OSTM1: variants seen among roughly 807,000 people sequenced by gnomAD.
OSTM1 encodes the protein osteoclastogenesis associated transmembrane protein 1, also known as osteopetrosis-associated transmembrane protein 1.
In OSTM1, 26 loss-of-function variants were observed where a neutral mutation model predicts 35.4. The observed-to-expected ratio is 0.73, with a 90% CI of 0.54 to 1.02. The LOEUF is 1.02. OSTM1 is among the 50% of genes least tolerant of loss of function. The pLI is 0.00. For synonymous variants in OSTM1, 181 were observed against 165.0 expected, an observed-to-expected ratio of 1.10 and a Z score of -0.75; for missense variants, 366 against 409.6, an observed-to-expected ratio of 0.89 and a Z score of 0.92.
At chr6:108,066,205 C>T (rs1481948426) in intron 1 of OSTM1, among the ~76,000 whole-genome samples, 2 of 152,096 alleles carry the variant, frequency 1.3e-5, no homozygotes, top group African/African-American at 2.4e-5. Flanking sequence ...TTGAGGAATA[C>T]ATCTTTAGGC....
At chr6:108,047,277 G>C (rs973183483) in intron 5 of OSTM1, among the ~76,000 whole-genome samples, 1 of 152,110 alleles carries the variant, frequency 6.6e-6, no homozygotes, top group East Asian at 1.9e-4. Flanking sequence ...AAGAGGGAAG[G>C]GCCTTGGAAA....
chr6:108,072,677 T>C (rs1485272323), intron 1 of OSTM1, among the ~76,000 whole-genome samples: 1 of 152,038 alleles, frequency 6.6e-6, no homozygotes, highest in Non-Finnish European at 1.5e-5. Flanking sequence ...ACATGCTCTT[T>C]ACAGAGAGAT....
intron 1 of OSTM1, among the ~76,000 whole-genome samples, chr6:108,072,885 G>A (rs1772510881): frequency 6.6e-6 from 1 of 152,126 alleles, no homozygotes; most frequent in Non-Finnish European, 1.5e-5. Context: ...AGCTTCCCGA[G>A]TAGCTGGAAC....
intron 1 of OSTM1, 97 bp downstream of exon 1, chr6:108,074,153 G>A (rs1772539711): frequency 8.2e-7 from 1 of 1,224,780 alleles, no homozygotes; most frequent in Non-Finnish European, 1.2e-6. Context: ...TTTTCTTACT[G>A]TTGGGGAAAC....
intron 1 of OSTM1, among the ~76,000 whole-genome samples, chr6:108,069,170 A>G (rs1772437551): frequency 6.6e-6 from 1 of 152,232 alleles, no homozygotes; most frequent in Non-Finnish European, 1.5e-5. Context: ...CATGAATTAA[A>G]TAATTATTTG....
chr6:108,067,021 C>A (rs989349885), intron 1 of OSTM1, among the ~76,000 whole-genome samples: 3 of 152,200 alleles, frequency 2.0e-5, no homozygotes, highest in African/African-American at 7.2e-5. Flanking sequence ...CATGCCTGCA[C>A]CCAGGAAGTC....
Position 108,074,452 on chromosome 6 carries a change from C to T in OSTM1, c.200G>A (p.Gly67Glu), listed in dbSNP as rs780873251. The part of the protein sequence containing the change: ...DLSLSLLQGG[G>E]LGPLSLPPDL... Reference sequence around the variant, plus strand: ...CGGGGGCAGCGACAGAGGCCCCAGCCCTCCACCCTGCAGGAGGGACAGGGA... The same window carrying T: ...CGGGGGCAGCGACAGAGGCCCCAGCTCTCCACCCTGCAGGAGGGACAGGGA... Residue 67 changes from glycine to glutamate, a missense_variant, in exon 1 of 6, where the codon GGG becomes GAG. This residue lies in a region of OSTM1 where 236 missense variants were observed against 239.3 expected (regional missense o/e 0.99). Coordinates refer to ENST00000193322, the MANE Select transcript of OSTM1 (RefSeq NM_014028.4). The T allele has an allele frequency of 4.5e-6, 7 of 1,557,694 alleles. No homozygotes were observed. The highest frequency in any genetic ancestry group is 5.2e-6 in the Non-Finnish European group (6 of 1,151,176).
chr6:108,067,145 T>G (rs1458885859), intron 1 of OSTM1, among the ~76,000 whole-genome samples: 3 of 150,280 alleles, frequency 2.0e-5, no homozygotes, highest in Non-Finnish European at 4.4e-5. Context: ...ACAACCGCTA[T>G]TTCAAATCCT....
Position 108,044,770 on chromosome 6 carries a change from T to TC in OSTM1, c.*14dup. On this transcript the variant is annotated 3_prime_UTR_variant, in exon 6 of 6. Coordinates refer to ENST00000193322, the MANE Select transcript of OSTM1 (RefSeq NM_014028.4). Reference sequence around the variant, plus strand: ...ATTCATTCACGTGATATGTCAATTCTCCATTTTGTAGGTCTCAGTTTGAAT... The same window carrying TC: ...ATTCATTCACGTGATATGTCAATTCTCCCATTTTGTAGGTCTCAGTTTGAAT... The TC allele has an allele frequency of 6.7e-7, 1 of 1,483,932 alleles. No homozygotes were observed. Among genetic ancestry groups the TC allele is most frequent in the East Asian group, 2.3e-5 (1 of 43,888 alleles). The allele number at this position is 1,483,932 out of a possible 1,614,324, so 91.9% of individuals were successfully genotyped here.
rs886060970 is a variant in OSTM1 at position 108,044,494 on chromosome 6, T to A, written c.*291A>T. On this transcript the variant is annotated 3_prime_UTR_variant, in exon 6 of 6. Transcript: ENST00000193322. ...AGATACCAGAAGTCTAGAATAGTAATCAAATGCCTATAAAATAAAATAATG... is the reference window on the plus strand; with the variant it reads ...AGATACCAGAAGTCTAGAATAGTAAACAAATGCCTATAAAATAAAATAATG... The A allele has an allele frequency of 8.8e-6, 2 of 226,000 alleles. No individual in the cohort carries two copies. Among genetic ancestry groups the A allele is most frequent in the African/African-American group, 4.5e-5 (2 of 43,962 alleles). 14.0% of individuals were successfully genotyped at this position (226,000 alleles called of 1,614,324 possible). A position where few individuals can be genotyped will look rare whatever the true frequency, so the allele number is the denominator to read the frequency against.
chr6:108,072,737 G>A (rs1016338935), intron 1 of OSTM1, among the ~76,000 whole-genome samples: 3 of 151,320 alleles, frequency 2.0e-5, no homozygotes, highest in Non-Finnish European at 4.4e-5. Context: ...TATGTAAAAT[G>A]ACAGATTTTT....
In OSTM1 at chr6:108,050,358, C is replaced by CTTTT. The variant is rs759901355; in HGVS notation, c.783+669_783+672dup. Among the ~76,000 whole-genome samples the CTTTT allele has an allele frequency of 7.6e-3, 801 of 104,786 alleles. 20 individuals carry two copies. The highest frequency in any genetic ancestry group is 0.013 in the African/African-American group (349 of 26,924). 68.7% of individuals were successfully genotyped at this position (104,786 alleles called of 152,430 possible). A position where few individuals can be genotyped will look rare whatever the true frequency, so the allele number is the denominator to read the frequency against. On this transcript the variant is annotated intron_variant, in intron 4 of 5. Coordinates refer to ENST00000193322, the MANE Select transcript of OSTM1 (RefSeq NM_014028.4). ...AACATGTAGTGAAATCCAGAAACGT[C>CTTTT]TTTTTTTTTTTTTTTTTTTTTTTGA...
intron 2 of OSTM1, among the ~76,000 whole-genome samples, chr6:108,063,917 A>G (rs570823188): frequency 7.2e-5 from 11 of 152,346 alleles, no homozygotes; most frequent in Non-Finnish European, 1.3e-4. Flanking sequence ...CATATCTGAC[A>G]GCTAGTAGGT....
chr6:108,050,958 AAAT>A (rs1772064693), intron 4 of OSTM1, 70 bp downstream of exon 4: 1 of 1,281,808 alleles, frequency 7.8e-7, no homozygotes, highest in Non-Finnish European at 1.1e-6. Flanking sequence ...CTATCACCAA[AAAT>A]AATAATCATA....
At chr6:108,067,020 AC>A (rs1370788249) in intron 1 of OSTM1, among the ~76,000 whole-genome samples, 3 of 152,218 alleles carry the variant, frequency 2.0e-5, no homozygotes, top group Admixed American at 1.3e-4. Flanking sequence ...TCATGCCTGC[AC>A]CCAGGAAGTC....
At chr6:108,058,792 G>A (rs1192201794) in intron 2 of OSTM1, among the ~76,000 whole-genome samples, 1 of 151,840 alleles carries the variant, frequency 6.6e-6, no homozygotes, top group East Asian at 1.9e-4. Context: ...AAAAAAAAAT[G>A]TTTTGGTTAA....
chr6:108,067,172 A>G (rs1400870112), intron 1 of OSTM1, among the ~76,000 whole-genome samples: 1 of 138,720 alleles, frequency 7.2e-6, no homozygotes, highest in East Asian at 2.3e-4. Flanking sequence ...TCTCCCAGAA[A>G]CTCTGATCTC....
chr6:108,061,274 T>C (rs915756963), intron 2 of OSTM1, among the ~76,000 whole-genome samples: 1 of 152,156 alleles, frequency 6.6e-6, no homozygotes, highest in Non-Finnish European at 1.5e-5. Context: ...TTTTTCTTCA[T>C]ATGAACTAAA....
chr6:108,064,934 T>A (rs1005286546), intron 1 of OSTM1, among the ~76,000 whole-genome samples: 1 of 152,122 alleles, frequency 6.6e-6, no homozygotes, highest in Non-Finnish European at 1.5e-5. Flanking sequence ...AAAGGAAGAA[T>A]TTCTGCTTTA....
Sources: allele counts gnomAD v4.1 joint callset (sites outside exome capture counted in the v4.1 genomes callset), GRCh38; gene constraint gnomAD v4.1.1; regional missense constraint gnomAD v4.1.1; transcripts MANE v1.5; gene names NCBI Gene and HGNC (gene_info 2026-07-23, HGNC 2026-07-21).